The following PPP2R2B variants were observed in gnomAD, a reference collection of about 807,000 sequenced individuals.
PPP2R2B encodes the protein protein phosphatase 2 regulatory subunit Bbeta, also known as serine/threonine-protein phosphatase 2A 55 kDa regulatory subunit B beta isoform.
In PPP2R2B, 5 loss-of-function variants were observed where a neutral mutation model predicts 46.0. That is an observed-to-expected ratio of 0.11 (90% CI 0.06 to 0.23). PPP2R2B has a LOEUF of 0.23. Among genes scored for constraint, PPP2R2B ranks in the 10% least tolerant of loss-of-function variants. PPP2R2B has a pLI of 1.00. For missense variants in PPP2R2B, 367 were observed against 575.0 expected (o/e 0.64, Z 3.70); for synonymous variants, 215 against 206.7 (o/e 1.04, Z -0.34).
chr5:146,997,970 A>C (rs954419619), intron 1 of PPP2R2B, among the ~76,000 whole-genome samples: 1 of 152,200 alleles, frequency 6.6e-6, no homozygotes, highest in Non-Finnish European at 1.5e-5. Flanking sequence ...GAAACCCCAA[A>C]GGTAAAACAG....
At chr5:147,080,701 C>T (rs899325792) in intron 2 of PPP2R2B, among the ~76,000 whole-genome samples, 1 of 152,062 alleles carries the variant, frequency 6.6e-6, no homozygotes, top group Non-Finnish European at 1.5e-5. Flanking sequence ...GCCAATGGTC[C>T]TCCACATAGA....
chr5:146,802,932 A>G (rs1756953412), intron 2 of PPP2R2B, among the ~76,000 whole-genome samples: 1 of 152,136 alleles, frequency 6.6e-6, no homozygotes, highest in Non-Finnish European at 1.5e-5. Flanking sequence ...GCTTCGGATA[A>G]ATTTTACTCC....
intron 1 of PPP2R2B, among the ~76,000 whole-genome samples, chr5:146,942,200 T>C (rs1561532671): frequency 6.6e-6 from 1 of 152,312 alleles, no homozygotes; most frequent in East Asian, 1.9e-4. Flanking sequence ...TTTAACATAT[T>C]TTGGAGAGAA....
intron 1 of PPP2R2B, among the ~76,000 whole-genome samples, chr5:147,011,690 T>G (rs1378801812): frequency 1.3e-5 from 2 of 150,620 alleles, no homozygotes; most frequent in Non-Finnish European, 3.0e-5. Flanking sequence ...TTTTTGCCCA[T>G]TCAGTATGAT....
intron 2 of PPP2R2B, among the ~76,000 whole-genome samples, chr5:146,861,801 A>T (rs1212710087): frequency 1.3e-5 from 2 of 150,710 alleles, no homozygotes; most frequent in Non-Finnish European, 1.5e-5. Flanking sequence ...CATACTTTAC[A>T]TACCCTTTTT....
intron 2 of PPP2R2B, chr5:146,707,276 C>T (rs1245748849): frequency 1.8e-5 from 28 of 1,576,618 alleles, no homozygotes; most frequent in Non-Finnish European, 2.3e-5. Context: ...TTCTGCTGCT[C>T]CAGGAACCGT....
At chr5:146,599,357 C>T (rs1483786697) in intron 8 of PPP2R2B, among the ~76,000 whole-genome samples, 1 of 152,218 alleles carries the variant, frequency 6.6e-6, no homozygotes, top group African/African-American at 2.4e-5. Flanking sequence ...CTACCATCAC[C>T]AGACCAAATT....
At chr5:146,672,274 G>T (rs1163789635) in intron 5 of PPP2R2B, among the ~76,000 whole-genome samples, 2 of 152,192 alleles carry the variant, frequency 1.3e-5, no homozygotes, top group African/African-American at 4.8e-5. Context: ...GGTTTTTGAT[G>T]TTGAACAAGG....
Position 146,861,212 on chromosome 5 carries a change from C to T in PPP2R2B, c.70+16790G>A, listed in dbSNP as rs188747957. 4.3e-3 allele frequency among the ~76,000 whole-genome samples: 652 copies of T among 152,038 alleles called. 5 individuals carry two copies. The highest frequency in any genetic ancestry group is 7.9e-3 in the Admixed American group (121 of 15,250). ...CTGGGACTACAGGTGCCCGCCACCACGCCCGGCTAATTTTTTTGTATTTTT... is the reference window on the plus strand; with the variant it reads ...CTGGGACTACAGGTGCCCGCCACCATGCCCGGCTAATTTTTTTGTATTTTT... On this transcript the variant is annotated intron_variant, in intron 2 of 9. Coordinates refer to ENST00000394411, the MANE Select transcript of PPP2R2B (RefSeq NM_181675.4).
chr5:146,699,197 C>T (rs1779393092), intron 3 of PPP2R2B, among the ~76,000 whole-genome samples: 1 of 152,004 alleles, frequency 6.6e-6, no homozygotes, highest in Non-Finnish European at 1.5e-5. Context: ...TATCCAAACC[C>T]AAATCTCAAC....
chr5:146,944,567 C>G (rs1764420970), intron 1 of PPP2R2B, among the ~76,000 whole-genome samples: 1 of 151,818 alleles, frequency 6.6e-6, no homozygotes, highest in Non-Finnish European at 1.5e-5. Flanking sequence ...TTCAATATAT[C>G]TCCTGAGAAA....
intron 5 of PPP2R2B, among the ~76,000 whole-genome samples, chr5:146,661,473 CTA>C (rs1376101015): frequency 6.6e-6 from 1 of 151,762 alleles, no homozygotes; most frequent in South Asian, 2.1e-4. Context: ...TATAAAATAT[CTA>C]TGTTTAATAT....
chr5:146,623,068 G>C (rs1157838066), intron 7 of PPP2R2B, among the ~76,000 whole-genome samples: 1 of 152,164 alleles, frequency 6.6e-6, no homozygotes, highest in Non-Finnish European at 1.5e-5. Context: ...TGTCAGGGAT[G>C]GCCCTTGGAA....
chr5:146,860,199 G>A (rs2151391707), intron 2 of PPP2R2B, among the ~76,000 whole-genome samples: 1 of 152,230 alleles, frequency 6.6e-6, no homozygotes, highest in South Asian at 2.1e-4. Flanking sequence ...ACACAAACAG[G>A]TAAAACAAAA....
rs142845229 is a variant in PPP2R2B at position 146,952,910 on chromosome 5, C to T, written c.79+102755G>A. 3.4e-3 allele frequency among the ~76,000 whole-genome samples: 523 copies of T among 152,206 alleles called. 3 individuals carry two copies. Among genetic ancestry groups the T allele is most frequent in the Middle Eastern group, 0.017 (5 of 294 alleles). The stretch of plus-strand genomic sequence containing the variant: ...CAAAATGTTAGCAAATGAATAGAAA[C>T]AGCAGATAATAAGTGAGAGGGGTAG... On this transcript the variant is annotated intron_variant, in intron 1 of 8. Transcript: ENST00000336640.
Position 146,608,141 on chromosome 5 carries a change from AG to A in PPP2R2B, c.791-7682del, listed in dbSNP as rs558063551. On this transcript the variant is annotated intron_variant, in intron 7 of 9. Transcript: ENST00000394411. ...CTGATAATGGTGTTTGAGGGGTAGG[AG>A]GGGGCATCCTATCTAGACAGGGGAA... Among the ~76,000 whole-genome samples, 87 of 152,208 alleles carry A rather than the reference AG, an allele frequency of 5.7e-4. 1 individual carries two copies. Among genetic ancestry groups the A allele is most frequent in the Non-Finnish European group, 1.0e-3 (71 of 67,988 alleles).
intron 2 of PPP2R2B, among the ~76,000 whole-genome samples, chr5:146,835,638 GA>G (rs1759234710): frequency 6.6e-6 from 1 of 152,074 alleles, no homozygotes; most frequent in Non-Finnish European, 1.5e-5. Flanking sequence ...TGAAGAAACT[GA>G]AGCCAAGAAA....
chr5:146,816,312 A>G (rs1582176258), intron 2 of PPP2R2B, among the ~76,000 whole-genome samples: 1 of 152,072 alleles, frequency 6.6e-6, no homozygotes, highest in African/African-American at 2.4e-5. Flanking sequence ...GGCTAGGAGG[A>G]TGACTTGAGC....
chr5:146,840,098 TTC>T (rs946712832), intron 2 of PPP2R2B, among the ~76,000 whole-genome samples: 1 of 152,222 alleles, frequency 6.6e-6, no homozygotes, highest in Non-Finnish European at 1.5e-5. Context: ...ATTATGTTGA[TTC>T]TGTTTTTTTC....
Sources: gnomAD v4.1 joint callset for allele counts (sites outside exome capture counted in the v4.1 genomes callset) on GRCh38, gnomAD v4.1.1 for gene constraint, MANE v1.5 for transcripts, NCBI Gene and HGNC (gene_info 2026-07-23, HGNC 2026-07-21) for gene names.